BCAR3: variants seen among roughly 807,000 people sequenced by gnomAD.
BCAR3 encodes breast cancer anti-estrogen resistance protein 3.
In BCAR3, 37 loss-of-function variants were observed where a neutral mutation model predicts 80.1. That is an observed-to-expected ratio of 0.46 (90% CI 0.36 to 0.61). The LOEUF (loss-of-function observed/expected upper bound fraction) is 0.61, where lower values mean the gene tolerates loss of function less well. BCAR3 is among the 20% of genes least tolerant of loss of function. The probability of loss-of-function intolerance (pLI) is 0.00; values close to 1 mark genes in which losing one functional copy is unlikely to be tolerated. For synonymous variants in BCAR3, 389 were observed against 418.9 expected (o/e 0.93, Z 0.87); for missense variants, 978 against 1,068.2 (o/e 0.92, Z 1.18).
intron 2 of BCAR3, among the ~76,000 whole-genome samples, chr1:93,737,412 A>G (rs1651012099): frequency 6.6e-6 from 1 of 152,174 alleles, no homozygotes; most frequent in African/African-American, 2.4e-5. Context: ...AGATGTACCT[A>G]AGCACAGAGA....
chr1:93,598,477 G>A (rs1248245247), intron 3 of BCAR3, among the ~76,000 whole-genome samples: 1 of 152,228 alleles, frequency 6.6e-6, no homozygotes, highest in Non-Finnish European at 1.5e-5. Flanking sequence ...AGGAACTGAG[G>A]GTGGAAAGAG....
Position 93,604,935 on chromosome 1 carries a change from C to G in BCAR3, c.358-12542G>C, listed in dbSNP as rs185725421. On this transcript the variant is annotated intron_variant, in intron 3 of 11. Transcript: ENST00000260502. ...CCTTCTTGACCCCAGTGAGTTTGCCCATCATGTTTCTTACCCCTTGATAAA... is the reference window on the plus strand; with the variant it reads ...CCTTCTTGACCCCAGTGAGTTTGCCGATCATGTTTCTTACCCCTTGATAAA... Among the ~76,000 whole-genome samples the G allele has an allele frequency of 8.9e-4, 136 of 152,258 alleles. 1 individual carries two copies. The highest frequency in any genetic ancestry group is 1.7e-3 in the Non-Finnish European group (117 of 68,024).
chr1:93,669,447 G>C (rs1648099168), intron 2 of BCAR3, among the ~76,000 whole-genome samples: 1 of 152,192 alleles, frequency 6.6e-6, no homozygotes, highest in Non-Finnish European at 1.5e-5. Flanking sequence ...ATTTTAACTA[G>C]GGATAATTCT....
chr1:93,805,129 C>A (rs1653614449), intron 2 of BCAR3, among the ~76,000 whole-genome samples: 1 of 152,114 alleles, frequency 6.6e-6, no homozygotes. Flanking sequence ...TATAGAGTAC[C>A]ATACAGCAAT....
At chr1:93,620,048 C>T (rs1675261305) in intron 3 of BCAR3, among the ~76,000 whole-genome samples, 1 of 152,244 alleles carries the variant, frequency 6.6e-6, no homozygotes, top group African/African-American at 2.4e-5. Context: ...ACATGAGCTT[C>T]CTTCCCCCTT....
intron 11 of BCAR3, among the ~76,000 whole-genome samples, chr1:93,563,461 G>C (rs1015607489): frequency 6.6e-6 from 1 of 152,148 alleles, no homozygotes; most frequent in Admixed American, 6.5e-5. Context: ...CATTTGGATT[G>C]CTTCTGGCTG....
chr1:93,562,301 C>G lies in BCAR3; in HGVS notation c.2418G>C (p.Gln806His), dbSNP rs769329876. The G allele has an allele frequency of 6.2e-7, 1 of 1,614,078 alleles. No homozygotes were observed. The highest frequency in any genetic ancestry group is 8.5e-7 in the Non-Finnish European group (1 of 1,179,972). ...ATTTACGCGAGAGGGCAGTTAAAAT[C>G]TGGTTGAATTTCTCATATCTCTCTG... ...NQTERYEKFN[Q>H]ILTALSRKLE... The change falls in exon 12 of 12, where the codon CAG becomes CAC. Residue 806 changes from glutamine (Q) to histidine (H), a missense_variant. Gln to His is a conservative substitution (Grantham distance 24). Transcript: ENST00000260502.
rs1361168549 is a variant in BCAR3, at chr1:93,567,339, C to T, written c.2239G>A (p.Ala747Thr). The change falls in exon 11 of 12, where the codon GCG (alanine) becomes ACG (threonine). Residue 747 changes from alanine (A) to threonine (T), a missense_variant. Physicochemically the swap from Ala to Thr is moderately conservative, Grantham distance 58. Coordinates refer to ENST00000260502, the MANE Select transcript of BCAR3 (RefSeq NM_003567.4). ...CEIMLNHLAT[A>T]RFMAEAADSY... ...TCTGCAGCCTCGGCCATGAATCGCG[C>T]TGTTGCCAAATGGTTCAGCATGATT... 1 of 1,614,174 alleles carries T rather than the reference C, an allele frequency of 6.2e-7. No individual in the cohort carries two copies. The highest frequency in any genetic ancestry group is 8.5e-7 in the Non-Finnish European group (1 of 1,180,028).
At chr1:93,741,867 G>A (rs1032005925) in intron 2 of BCAR3, among the ~76,000 whole-genome samples, 3 of 152,226 alleles carry the variant, frequency 2.0e-5, no homozygotes, top group East Asian at 1.9e-4. Flanking sequence ...CATCACTCCC[G>A]GCCTTATTTT....
chr1:93,769,399 GTGTGTGTGTC>G (rs1652275352), intron 2 of BCAR3, among the ~76,000 whole-genome samples: 3 of 144,166 alleles, frequency 2.1e-5, no homozygotes, highest in African/African-American at 5.3e-5. Flanking sequence ...GTGTGTGTGT[GTGTGTGTGTC>G]AAGGAGCGGG....
chr1:93,796,292 G>A, intron 2 of BCAR3, among the ~76,000 whole-genome samples: 1 of 134,616 alleles, frequency 7.4e-6, no homozygotes, highest in African/African-American at 3.2e-5. Context: ...AGACTGCTGT[G>A]CTAGCAATCA....
At chr1:93,671,211 T>C (rs1648187093) in intron 2 of BCAR3, among the ~76,000 whole-genome samples, 1 of 152,158 alleles carries the variant, frequency 6.6e-6, no homozygotes, top group Non-Finnish European at 1.5e-5. Flanking sequence ...GCCAGGATGG[T>C]CTCGAACTCC....
At chr1:93,815,273 A>C (rs1409082031) in intron 2 of BCAR3, among the ~76,000 whole-genome samples, 1 of 152,212 alleles carries the variant, frequency 6.6e-6, no homozygotes, top group Non-Finnish European at 1.5e-5. Flanking sequence ...GATGCCAGCG[A>C]GATGCATTTT....
chr1:93,674,417 A>C (rs970360227), intron 2 of BCAR3, among the ~76,000 whole-genome samples, 197 bp downstream of exon 2: 1 of 152,052 alleles, frequency 6.6e-6, no homozygotes, highest in Non-Finnish European at 1.5e-5. Context: ...CACCATGCCC[A>C]GCTAATTTTT....
intron 3 of BCAR3, among the ~76,000 whole-genome samples, chr1:93,619,476 T>C (rs183904668): frequency 1.3e-5 from 2 of 152,334 alleles, no homozygotes; most frequent in East Asian, 3.9e-4. Flanking sequence ...CTTCTACACT[T>C]ACTATGCAAG....
chr1:93,698,562 G>A (rs902134168), intron 3 of BCAR3, among the ~76,000 whole-genome samples: 4 of 152,092 alleles, frequency 2.6e-5, no homozygotes, highest in Non-Finnish European at 5.9e-5. Context: ...CCCCAACCAC[G>A]AGGCCTCCGT....
chr1:93,825,424 C>T (rs1009454852), intron 2 of BCAR3, among the ~76,000 whole-genome samples: 1 of 133,902 alleles, frequency 7.5e-6, no homozygotes, highest in Non-Finnish European at 1.7e-5. Flanking sequence ...GGAGGTTTTG[C>T]AGGCTTGAGC....
In BCAR3 at chr1:93,770,244, G is replaced by C. The variant is rs977279569; in HGVS notation, c.-62-64102C>G. On this transcript the variant is annotated intron_variant, in intron 2 of 13. Coordinates refer to the BCAR3 transcript ENST00000370244. ...CTAACGGAAGAGCTGCTGGGGGAGT[G>C]CCCTGCCCTGTCCCCACCATAAGGA... Among the ~76,000 whole-genome samples the C allele has an allele frequency of 2.6e-5, 4 of 152,190 alleles. No homozygotes were observed. The East Asian group carries it at 7.7e-4, about 29-fold the overall frequency.
intron 2 of BCAR3, among the ~76,000 whole-genome samples, chr1:93,657,100 T>A (rs890240984): frequency 6.6e-6 from 1 of 152,234 alleles, no homozygotes; most frequent in African/African-American, 2.4e-5. Flanking sequence ...GATTTCTCTA[T>A]TTTGGATTTA....
Sources: allele counts gnomAD v4.1 joint callset (sites outside exome capture counted in the v4.1 genomes callset), GRCh38; gene constraint gnomAD v4.1.1; transcripts MANE v1.5; gene names NCBI Gene and HGNC (gene_info 2026-07-23, HGNC 2026-07-21).